SCN2A: variants seen among roughly 807,000 people sequenced by gnomAD.
The protein encoded by SCN2A is sodium channel protein type 2 subunit alpha.
SCN2A carries 20 observed loss-of-function variants against 188.7 expected under a neutral mutation model. That is an observed-to-expected ratio of 0.11 (90% CI 0.07 to 0.15). The LOEUF is 0.15. Among genes scored for constraint, SCN2A ranks in the 10% least tolerant of loss-of-function variants. The probability of loss-of-function intolerance (pLI) is 1.00; values close to 1 mark genes in which losing one functional copy is unlikely to be tolerated. For synonymous variants in SCN2A, 804 were observed against 833.1 expected, an observed-to-expected ratio of 0.97 and a Z score of 0.60; for missense variants, 1,278 against 2,445.0, an observed-to-expected ratio of 0.52 and a Z score of 10.07.
intron 14 of SCN2A, among the ~76,000 whole-genome samples, chr2:165,335,224 A>G (rs1005283437): frequency 2.6e-5 from 4 of 151,710 alleles, no homozygotes; most frequent in South Asian, 2.1e-4. Flanking sequence ...TCAAAATCCC[A>G]GCTACCTATT....
At chr2:165,380,937 G>T in intron 24 of SCN2A, 156 bp from the exon 25 acceptor site, 1 of 681,564 alleles carries the variant, frequency 1.5e-6, no homozygotes. Flanking sequence ...TGACTAATAT[G>T]GCATAATTTA....
At chr2:165,385,768 C>G (rs1420618534) in intron 25 of SCN2A, among the ~76,000 whole-genome samples, 8 of 152,012 alleles carry the variant, frequency 5.3e-5, no homozygotes, top group Non-Finnish European at 1.5e-5. Context: ...GATGCTGTAG[C>G]TTTAGTGAGA....
In SCN2A at chr2:165,291,496, TTTCTTTC is replaced by T. The variant is rs1574513818; in HGVS notation, c.-51-4274_-51-4268del. Among the ~76,000 whole-genome samples the T allele has an allele frequency of 1.5e-4, 4 of 26,120 alleles. No homozygotes were observed. In the East Asian group the frequency reaches 1.9e-3, roughly 12 times the overall value. The allele number at this position is 26,120 out of a possible 152,430, so 17.1% of individuals were successfully genotyped here. A position where few individuals can be genotyped will look rare whatever the true frequency, so the allele number is the denominator to read the frequency against. On this transcript the variant is annotated intron_variant, in intron 1 of 26. Transcript: ENST00000375437. ...TTTCTTTCTTTCTTTCTTTCTTTTC[TTTCTTTC>T]TTTCTTTCTTCCTCTCCTTTCTTTC... is the stretch of plus-strand genomic sequence containing the variant.
Position 165,380,823 on chromosome 2 carries a change from GAA to G in SCN2A, c.4446+95_4446+96del. 2.9e-6 allele frequency: 3 copies of G among 1,028,730 alleles called. No homozygotes were observed. In the Admixed American group the frequency reaches 7.5e-5, roughly 26 times the overall value. 63.7% of individuals were successfully genotyped at this position (1,028,730 alleles called of 1,614,324 possible). ...CTCCAAAATGCAATCACCAAAAAAA[GAA>G]TATAAAATTCAGAAATTATTTTGAG... On this transcript the variant is annotated intron_variant, in intron 24 of 26. Transcript: ENST00000375437.
intron 13 of SCN2A, 126 bp downstream of exon 13, chr2:165,327,110 C>A: frequency 8.1e-7 from 1 of 1,227,968 alleles, no homozygotes; most frequent in Non-Finnish European, 1.2e-6. Context: ...TACTAAATAA[C>A]AGTAAAATCC....
intron 1 of SCN2A, chr2:165,290,692 G>A (rs1574509787): frequency 1.3e-6 from 1 of 787,172 alleles, no homozygotes; most frequent in East Asian, 1.3e-4. Context: ...CCTGAATATG[G>A]ATTTGATAAT....
chr2:165,335,145 G>T (rs1299652211), intron 14 of SCN2A, among the ~76,000 whole-genome samples: 2 of 151,636 alleles, frequency 1.3e-5, no homozygotes, highest in Non-Finnish European at 3.0e-5. Context: ...TATATTCATA[G>T]ATTAGAGGAA....
chr2:165,260,179 A>G (rs1694517139), intron 1 of SCN2A, among the ~76,000 whole-genome samples: 1 of 151,962 alleles, frequency 6.6e-6, no homozygotes, highest in Non-Finnish European at 1.5e-5. Context: ...TCCTGACCTC[A>G]TGATCCGCCT....
chr2:165,282,281 C>G (rs1418207504), intron 1 of SCN2A, among the ~76,000 whole-genome samples: 1 of 152,086 alleles, frequency 6.6e-6, no homozygotes, highest in Non-Finnish European at 1.5e-5. Context: ...GTTTGGGTGG[C>G]AGGCTCATGG....
intron 1 of SCN2A, among the ~76,000 whole-genome samples, chr2:165,275,919 G>A (rs1401421092): frequency 1.3e-5 from 2 of 152,068 alleles, no homozygotes; most frequent in Admixed American, 1.3e-4. Flanking sequence ...ATTTTTAGTA[G>A]AGACAGGTTT....
intron 23 of SCN2A, 24 bp from the exon 24 acceptor site, chr2:165,380,568 G>T (rs1558879300): frequency 6.5e-7 from 1 of 1,535,952 alleles, no homozygotes; most frequent in Admixed American, 1.7e-5. Flanking sequence ...AGATATAATG[G>T]TTACAATTCT....
At chr2:165,387,328 G>A (rs956271259) in intron 26 of SCN2A, among the ~76,000 whole-genome samples, 1 of 151,958 alleles carries the variant, frequency 6.6e-6, no homozygotes, top group African/African-American at 2.4e-5. Flanking sequence ...ATACTCCTGT[G>A]GTATTGACAG....
intron 25 of SCN2A, among the ~76,000 whole-genome samples, chr2:165,382,586 C>A (rs911191279): frequency 6.6e-6 from 1 of 151,946 alleles, no homozygotes; most frequent in Non-Finnish European, 1.5e-5. Flanking sequence ...ATACCTCGAC[C>A]TGCTGTAAGA....
chr2:165,244,883 T>C (rs1224615935), intron 1 of SCN2A, among the ~76,000 whole-genome samples: 1 of 152,202 alleles, frequency 6.6e-6, no homozygotes, highest in East Asian at 1.9e-4. Context: ...CAGCTACATC[T>C]TGTGTTGTGT....
chr2:165,254,984 A>C (rs1349442034), intron 1 of SCN2A, among the ~76,000 whole-genome samples: 1 of 151,894 alleles, frequency 6.6e-6, no homozygotes, highest in African/African-American at 2.4e-5. Flanking sequence ...ATTTTTGTCC[A>C]TTTTTTATTT....
At chr2:165,354,082 TG>T in intron 16 of SCN2A, 109 bp from the exon 17 acceptor site, 1 of 1,309,040 alleles carries the variant, frequency 7.6e-7, no homozygotes, top group Non-Finnish European at 1.1e-6. Context: ...TTAGCAGAAA[TG>T]CATGTTAGAA....
At chr2:165,284,622 T>A (rs1306662786) in intron 1 of SCN2A, among the ~76,000 whole-genome samples, 2 of 152,138 alleles carry the variant, frequency 1.3e-5, no homozygotes, top group Non-Finnish European at 2.9e-5. Flanking sequence ...ATGGAAAAAT[T>A]TTAGGTAGAA....
At chr2:165,367,447 C>G in intron 19 of SCN2A, 76 bp downstream of exon 19, 1 of 1,468,460 alleles carries the variant, frequency 6.8e-7, no homozygotes, top group South Asian at 1.2e-5. Context: ...CTCATATTAC[C>G]CACTTTTAAA....
At chr2:165,277,363 A>T (rs894534741) in intron 1 of SCN2A, among the ~76,000 whole-genome samples, 6 of 152,204 alleles carry the variant, frequency 3.9e-5, no homozygotes, top group Non-Finnish European at 8.8e-5. Context: ...AGCAAATGGT[A>T]ATTCTTGAAT....
Sources: gnomAD v4.1 joint callset for allele counts (sites outside exome capture counted in the v4.1 genomes callset) on GRCh38, gnomAD v4.1.1 for gene constraint, MANE v1.5 for transcripts, NCBI Gene and HGNC (gene_info 2026-07-23, HGNC 2026-07-21) for gene names.